The following EPHB1 variants were observed in gnomAD, a reference collection of about 807,000 sequenced individuals.
EPHB1 encodes EPH receptor B1.
A neutral mutation model predicts 94.4 loss-of-function variants in EPHB1; 30 were observed. The ratio of observed to expected loss-of-function variants is 0.32; its 90% confidence interval spans 0.24 to 0.43. EPHB1 has a LOEUF of 0.43. Among genes scored for constraint, EPHB1 ranks in the 20% least tolerant of loss-of-function variants. EPHB1 has a pLI of 1.00. For missense variants in EPHB1, 1,055 were observed against 1,308.3 expected, an observed-to-expected ratio of 0.81 and a Z score of 2.99; for synonymous variants, 522 against 489.1, an observed-to-expected ratio of 1.07 and a Z score of -0.89.
intron 2 of EPHB1, among the ~76,000 whole-genome samples, chr3:134,950,492 C>T (rs1932984565): frequency 6.6e-6 from 1 of 152,198 alleles, no homozygotes; most frequent in African/African-American, 2.4e-5. Context: ...TTAACTTGTT[C>T]ATAGTTCTGC....
At chr3:134,859,308 G>C (rs778256492) in intron 1 of EPHB1, among the ~76,000 whole-genome samples, 1 of 152,160 alleles carries the variant, frequency 6.6e-6, no homozygotes, top group African/African-American at 2.4e-5. Flanking sequence ...ATGATCTCAG[G>C]GGGAGTTAAT....
At chr3:134,849,519 T>C (rs567368408) in intron 1 of EPHB1, among the ~76,000 whole-genome samples, 13 of 151,956 alleles carry the variant, frequency 8.6e-5, no homozygotes, top group African/African-American at 3.1e-4. Flanking sequence ...GGGAAGAGGG[T>C]GTTTGGCTTA....
chr3:134,827,360 C>A (rs556598418), intron 1 of EPHB1, among the ~76,000 whole-genome samples: 1 of 115,644 alleles, frequency 8.6e-6, no homozygotes, highest in African/African-American at 3.6e-5. Context: ...CGCGGGTGCG[C>A]GTGCACACAC....
chr3:135,007,228 C>T (rs900675249), intron 3 of EPHB1, among the ~76,000 whole-genome samples: 1 of 152,198 alleles, frequency 6.6e-6, no homozygotes, highest in Non-Finnish European at 1.5e-5. Flanking sequence ...AGTAGCAATT[C>T]TCTAGACACT....
At chr3:134,864,519 C>G (rs1489675470) in intron 1 of EPHB1, among the ~76,000 whole-genome samples, 2 of 152,176 alleles carry the variant, frequency 1.3e-5, no homozygotes, top group Non-Finnish European at 2.9e-5. Flanking sequence ...CTGTCTCCCT[C>G]CCTCCCTTTT....
intron 3 of EPHB1, among the ~76,000 whole-genome samples, chr3:134,970,326 A>G (rs1933918998): frequency 6.6e-6 from 1 of 152,170 alleles, no homozygotes; most frequent in Non-Finnish European, 1.5e-5. Context: ...TTTGCCTGTG[A>G]TGTCCAATTA....
At chr3:135,119,055 CTT>C (rs1250485836) in intron 4 of EPHB1, among the ~76,000 whole-genome samples, 1 of 152,142 alleles carries the variant, frequency 6.6e-6, no homozygotes, top group Admixed American at 6.5e-5. Flanking sequence ...GCTATCAAGA[CTT>C]TTATTTTTTG....
At chr3:134,972,462 T>C (rs1934010421) in intron 3 of EPHB1, among the ~76,000 whole-genome samples, 1 of 145,266 alleles carries the variant, frequency 6.9e-6, no homozygotes, top group Admixed American at 7.0e-5. Context: ...TATAAATATC[T>C]AATATATATT....
At chr3:135,127,365 G>A (rs752011506) in intron 4 of EPHB1, among the ~76,000 whole-genome samples, 31 of 152,196 alleles carry the variant, frequency 2.0e-4, no homozygotes, top group Non-Finnish European at 3.2e-4. Flanking sequence ...ATCCCAGCCT[G>A]AATGTGGGGT....
At chr3:134,818,502 T>G (rs1415941827) in intron 1 of EPHB1, among the ~76,000 whole-genome samples, 3 of 152,216 alleles carry the variant, frequency 2.0e-5, no homozygotes, top group African/African-American at 7.2e-5. Context: ...GCACCATATT[T>G]GTAGTCTTTT....
chr3:135,101,351 T>G (rs1434499061), intron 3 of EPHB1, among the ~76,000 whole-genome samples: 1 of 151,624 alleles, frequency 6.6e-6, no homozygotes. Context: ...AATAAACTGT[T>G]TAATCACCAT....
intron 12 of EPHB1, among the ~76,000 whole-genome samples, chr3:135,226,943 C>T (rs1656726700): frequency 6.6e-6 from 1 of 152,168 alleles, no homozygotes; most frequent in South Asian, 2.1e-4. Flanking sequence ...CACCTGTTCT[C>T]ACTTCTAAGT....
intron 1 of EPHB1, among the ~76,000 whole-genome samples, chr3:134,863,161 AG>A (rs1233811865): frequency 6.6e-6 from 1 of 152,172 alleles, no homozygotes; most frequent in Non-Finnish European, 1.5e-5. Flanking sequence ...GAGGTTTCCT[AG>A]CTAACTGGTA....
At chr3:135,194,732 T>C (rs1576460490) in intron 11 of EPHB1, among the ~76,000 whole-genome samples, 1 of 152,006 alleles carries the variant, frequency 6.6e-6, no homozygotes, top group East Asian at 1.9e-4. Flanking sequence ...GGTGCAGGGG[T>C]GGAGAACAAC....
chr3:134,971,173 T>C (rs1933957694), intron 3 of EPHB1, among the ~76,000 whole-genome samples: 1 of 152,126 alleles, frequency 6.6e-6, no homozygotes, highest in Non-Finnish European at 1.5e-5. Context: ...TTATCAAGTG[T>C]GGGGCCCAGG....
intron 1 of EPHB1, among the ~76,000 whole-genome samples, chr3:134,807,332 C>T (rs1185532406): frequency 2.0e-5 from 3 of 152,154 alleles, no homozygotes; most frequent in Non-Finnish European, 4.4e-5. Flanking sequence ...TCAGGGAGCT[C>T]ACTGATTAAT....
intron 3 of EPHB1, among the ~76,000 whole-genome samples, chr3:135,016,949 T>C (rs1935818160): frequency 6.6e-6 from 1 of 152,060 alleles, no homozygotes. Context: ...CCCAAACAGC[T>C]CCCTTCCCTC....
In EPHB1 at chr3:135,192,586, A is replaced by G; in HGVS notation, c.1893A>G (p.Gly631=). The G allele has an allele frequency of 1.2e-6, 2 of 1,613,740 alleles. No individual in the cohort carries two copies. Among genetic ancestry groups the G allele is most frequent in the Non-Finnish European group, 8.5e-7 (1 of 1,179,760 alleles). The change falls in exon 11 of 16, where the codon GGA becomes GGG. Residue 631 remains glycine, a synonymous_variant. Transcript: ENST00000398015. ...IEEVIGAGEF[G]EVYKGRLKLP... ...TTTTTGCTGTTGCAGGGGAGTTTGG[A>G]GAAGTGTACAAGGGGCGTTTGAAAC...
chr3:134,802,816 A>G (rs2035960114), intron 1 of EPHB1, among the ~76,000 whole-genome samples: 1 of 152,228 alleles, frequency 6.6e-6, no homozygotes, highest in Admixed American at 6.5e-5. Flanking sequence ...CAGGAAAAGC[A>G]TCTTATTCAT....
Sources: gnomAD v4.1 joint callset for allele counts (sites outside exome capture counted in the v4.1 genomes callset) on GRCh38, gnomAD v4.1.1 for gene constraint, MANE v1.5 for transcripts, NCBI Gene and HGNC (gene_info 2026-07-23, HGNC 2026-07-21) for gene names.